KHDRBS2: variants seen among roughly 807,000 people sequenced by gnomAD.
KHDRBS2 encodes KH RNA binding domain containing, signal transduction associated 2, also known as KH domain-containing, RNA-binding, signal transduction-associated protein 2.
KHDRBS2 carries 26 observed loss-of-function variants against 44.3 expected under a neutral mutation model. That is an observed-to-expected ratio of 0.59 (90% CI 0.43 to 0.81). The LOEUF (loss-of-function observed/expected upper bound fraction) is 0.81. Ranked by LOEUF, KHDRBS2 falls within the 40% of genes least tolerant of loss-of-function variation. The pLI is 0.00. For synonymous variants in KHDRBS2, 194 were observed against 151.1 expected, an observed-to-expected ratio of 1.28 and a Z score of -2.08; for missense variants, 476 against 433.1, an observed-to-expected ratio of 1.10 and a Z score of -0.88.
rs144997819 is a variant in KHDRBS2, at chr6:62,199,979, T to C, written c.92-22667A>G. On this transcript the variant is annotated intron_variant, in intron 1 of 8. Transcript: ENST00000281156. ...TGACAAGCCTGACAAAAACAAGAAATGGAGAAAGGATTCCCTATTTAATAA... is the reference window on the plus strand; with the variant it reads ...TGACAAGCCTGACAAAAACAAGAAACGGAGAAAGGATTCCCTATTTAATAA... Among the ~76,000 whole-genome samples the C allele has an allele frequency of 2.5e-3, 375 of 152,258 alleles. 3 individuals are homozygous for C. Among genetic ancestry groups the C allele is most frequent in the African/African-American group, 8.3e-3 (343 of 41,534 alleles).
intron 1 of KHDRBS2, among the ~76,000 whole-genome samples, chr6:62,199,723 C>T (rs574016937): frequency 1.3e-5 from 2 of 151,852 alleles, no homozygotes; most frequent in African/African-American, 4.8e-5. Flanking sequence ...TCACAGAATT[C>T]GAAAAAACTA....
chr6:61,831,933 T>C (rs751977626), intron 6 of KHDRBS2, among the ~76,000 whole-genome samples: 5 of 152,198 alleles, frequency 3.3e-5, no homozygotes, highest in Admixed American at 2.0e-4. Context: ...AAGATATTTG[T>C]ACACTAATAA....
chr6:62,125,160 C>A (rs1038371283), intron 2 of KHDRBS2, among the ~76,000 whole-genome samples: 1 of 152,178 alleles, frequency 6.6e-6, no homozygotes, highest in East Asian at 1.9e-4. Context: ...CCTCCCAAAA[C>A]CCTAGCAGCA....
At chr6:61,743,828 G>A (rs1776500557) in intron 6 of KHDRBS2, among the ~76,000 whole-genome samples, 1 of 133,652 alleles carries the variant, frequency 7.5e-6, no homozygotes, top group Non-Finnish European at 1.5e-5. Flanking sequence ...CCCTTCCTGT[G>A]TCCATGTGTT....
intron 6 of KHDRBS2, among the ~76,000 whole-genome samples, chr6:61,768,798 C>T (rs1361453496): frequency 7.2e-5 from 11 of 151,970 alleles, no homozygotes; most frequent in Non-Finnish European, 1.3e-4. Context: ...CAAGGAACTC[C>T]GATCATTTAC....
At chr6:62,019,967 T>G (rs1225893602) in intron 3 of KHDRBS2, among the ~76,000 whole-genome samples, 1 of 151,862 alleles carries the variant, frequency 6.6e-6, no homozygotes, top group Non-Finnish European at 1.5e-5. Context: ...CTTTATTTTA[T>G]ACTTAATTTG....
intron 1 of KHDRBS2, among the ~76,000 whole-genome samples, chr6:62,199,808 G>C (rs1485517900): frequency 6.6e-6 from 1 of 152,144 alleles, no homozygotes; most frequent in Non-Finnish European, 1.5e-5. Context: ...GAAAGATGGA[G>C]GCATCACGCT....
At chr6:61,663,453 A>T in the KHDRBS2 span, among the ~76,000 whole-genome samples, 1 of 131,326 alleles carries the variant, frequency 7.6e-6, no homozygotes, top group Non-Finnish European at 1.6e-5. Context: ...ACGATTGAAG[A>T]TAATGACAAA....
the KHDRBS2 span, among the ~76,000 whole-genome samples, chr6:61,547,986 C>A: frequency 2.0e-5 from 3 of 152,036 alleles, no homozygotes; most frequent in Admixed American, 2.0e-4. Context: ...TAAAAGTAAT[C>A]TCCAAATCAA....
chr6:62,271,741 T>A (rs79704692), intron 1 of KHDRBS2, among the ~76,000 whole-genome samples: 2 of 151,692 alleles, frequency 1.3e-5, no homozygotes, highest in African/African-American at 4.8e-5. Flanking sequence ...AGTAAAAAAA[T>A]AATAATAATA....
In KHDRBS2 at chr6:62,164,563, A is replaced by G. The variant is rs142951593; in HGVS notation, c.219+12622T>C. ...TTTTACTTCAAATTATCTGTCTTAC[A>G]TTTATTTATATGTAAATGTATGCAC... On this transcript the variant is annotated intron_variant, in intron 2 of 8. Coordinates refer to ENST00000281156, the MANE Select transcript of KHDRBS2 (RefSeq NM_152688.4). 1.6e-4 allele frequency among the ~76,000 whole-genome samples: 25 copies of G among 151,986 alleles called. 1 individual carries two copies. The East Asian group carries it at 4.4e-3, about 27-fold the overall frequency.
At chr6:61,860,887 T>G (rs1229810335) in intron 6 of KHDRBS2, among the ~76,000 whole-genome samples, 1 of 152,162 alleles carries the variant, frequency 6.6e-6, no homozygotes, top group Admixed American at 6.6e-5. Context: ...ATCTGTTCTT[T>G]TTTGACCTTT....
At chr6:61,655,984 T>C in the KHDRBS2 span, among the ~76,000 whole-genome samples, 1 of 152,060 alleles carries the variant, frequency 6.6e-6, no homozygotes, top group South Asian at 2.1e-4. Flanking sequence ...GTAGGAGCAG[T>C]AACTGCCTAG....
intron 6 of KHDRBS2, among the ~76,000 whole-genome samples, chr6:61,863,269 T>C (rs1797293598): frequency 6.6e-6 from 1 of 151,358 alleles, no homozygotes; most frequent in South Asian, 2.1e-4. Flanking sequence ...GTTTTTTTTT[T>C]TTTTTGTCTT....
intron 6 of KHDRBS2, among the ~76,000 whole-genome samples, chr6:61,880,444 T>C (rs994786234): frequency 2.6e-5 from 4 of 152,022 alleles, no homozygotes; most frequent in African/African-American, 9.6e-5. Flanking sequence ...GTTGTCTGGA[T>C]CTTAAGTGTA....
At chr6:61,709,676 T>C (rs1376442728) in intron 7 of KHDRBS2, among the ~76,000 whole-genome samples, 1 of 151,694 alleles carries the variant, frequency 6.6e-6, no homozygotes, top group African/African-American at 2.4e-5. Flanking sequence ...TTATGTAGAA[T>C]TATTATTAGA....
At chr6:62,201,840 T>A (rs1402819990) in intron 1 of KHDRBS2, among the ~76,000 whole-genome samples, 1 of 152,002 alleles carries the variant, frequency 6.6e-6, no homozygotes, top group Non-Finnish European at 1.5e-5. Context: ...ACAATAGACA[T>A]GTCAATGTTT....
At chr6:62,256,731 A>C (rs967787450) in intron 1 of KHDRBS2, among the ~76,000 whole-genome samples, 1 of 152,088 alleles carries the variant, frequency 6.6e-6, no homozygotes, top group Admixed American at 6.6e-5. Context: ...TTGTTACTCC[A>C]GTAGTCAGGG....
chr6:61,906,849 C>G (rs147043462), intron 4 of KHDRBS2, among the ~76,000 whole-genome samples: 1 of 151,536 alleles, frequency 6.6e-6, no homozygotes, highest in East Asian at 1.9e-4. Context: ...AAGGGTGCTG[C>G]GATAAACATG....
Sources: allele counts gnomAD v4.1 joint callset (sites outside exome capture counted in the v4.1 genomes callset), GRCh38; gene constraint gnomAD v4.1.1; transcripts MANE v1.5; gene names NCBI Gene and HGNC (gene_info 2026-07-23, HGNC 2026-07-21).